Variants in SPATA13 observed in about 807,000 individuals in gnomAD.
The protein encoded by SPATA13 is spermatogenesis-associated protein 13.
Under a neutral mutation model 104.0 loss-of-function variants are expected in SPATA13, and 50 were observed. The ratio of observed to expected loss-of-function variants is 0.48; its 90% CI spans 0.38 to 0.61. SPATA13 has a LOEUF of 0.61. Ranked by LOEUF, SPATA13 falls within the 20% of genes least tolerant of loss-of-function variation. The pLI, the probability that SPATA13 is intolerant of heterozygous loss-of-function variation, is 0.00. For missense variants in SPATA13, 1,524 were observed against 1,690.6 expected (o/e 0.90, Z 1.73); for synonymous variants, 606 against 667.5 (o/e 0.91, Z 1.42).
chr13:23,982,761 C>T (rs1054064020), intron 1 of SPATA13, among the ~76,000 whole-genome samples: 4 of 152,168 alleles, frequency 2.6e-5, no homozygotes, highest in African/African-American at 4.8e-5. Flanking sequence ...AGAAGTTGAA[C>T]GAGTCAGACA....
At chr13:24,245,959 C>T (rs928985517) in intron 2 of SPATA13, among the ~76,000 whole-genome samples, 2 of 152,074 alleles carry the variant, frequency 1.3e-5, no homozygotes, top group Non-Finnish European at 2.9e-5. Flanking sequence ...GATCCCGAGT[C>T]CTGCCCGCTG....
intron 3 of SPATA13, among the ~76,000 whole-genome samples, chr13:24,094,747 G>A (rs1186394911): frequency 6.6e-6 from 1 of 152,022 alleles, no homozygotes; most frequent in Non-Finnish European, 1.5e-5. Context: ...CTCCAGCCTG[G>A]GCAATATAGC....
At chr13:24,002,554 G>A (rs9553137) in intron 2 of SPATA13, among the ~76,000 whole-genome samples, 23,888 of 152,108 alleles carry the variant, frequency 0.16, 2,544 homozygotes, top group East Asian at 0.51. Context: ...GCCTGGTCAG[G>A]GGGGTGAGTG....
At chr13:24,202,771 T>C (rs1183494263) in intron 1 of SPATA13, among the ~76,000 whole-genome samples, 1 of 152,068 alleles carries the variant, frequency 6.6e-6, no homozygotes, top group Admixed American at 6.5e-5. Flanking sequence ...GAAATTTTCA[T>C]TAAGCAAAGG....
At chr13:24,155,980 A>C (rs1882245704), upstream of SPATA13, among the ~76,000 whole-genome samples, 1 of 152,186 alleles carries the variant, frequency 6.6e-6, no homozygotes, top group Non-Finnish European at 1.5e-5. Context: ...TAATGTCCTC[A>C]GGGTCCACCT....
At chr13:24,095,882 T>G (rs1880062051) in intron 3 of SPATA13, among the ~76,000 whole-genome samples, 1 of 152,228 alleles carries the variant, frequency 6.6e-6, no homozygotes, top group South Asian at 2.1e-4. Context: ...CCAATAACAG[T>G]GCATCTCTCA....
intron 3 of SPATA13, among the ~76,000 whole-genome samples, chr13:24,032,754 G>C (rs992395508): frequency 8.5e-5 from 13 of 152,200 alleles, no homozygotes; most frequent in African/African-American, 3.1e-4. Flanking sequence ...TTAAATATGA[G>C]TAAACCTAAA....
upstream of SPATA13, among the ~76,000 whole-genome samples, chr13:24,159,719 A>G (rs553393725): frequency 4.8e-4 from 73 of 152,374 alleles, no homozygotes; most frequent in African/African-American, 1.7e-3. Flanking sequence ...ATTTTAAAAA[A>G]CATACATAAA....
At chr13:24,222,459 T>A (rs2138609454) in intron 1 of SPATA13, among the ~76,000 whole-genome samples, 1 of 146,164 alleles carries the variant, frequency 6.8e-6, no homozygotes, top group East Asian at 2.2e-4. Flanking sequence ...TTTCTTTTGG[T>A]ATTTCCTAAT....
intron 3 of SPATA13, among the ~76,000 whole-genome samples, chr13:24,076,898 G>C (rs1033581931): frequency 6.6e-6 from 1 of 151,956 alleles, no homozygotes; most frequent in Admixed American, 6.6e-5. Context: ...GGCCAGATGG[G>C]CTGACACAGT....
intron 3 of SPATA13, among the ~76,000 whole-genome samples, chr13:24,089,433 T>A (rs1171881887): frequency 6.6e-6 from 1 of 152,112 alleles, no homozygotes; most frequent in Admixed American, 6.5e-5. Context: ...ACAAGATTGG[T>A]CTATTATTGT....
chr13:24,009,934 G>A (rs1876394809), intron 2 of SPATA13, among the ~76,000 whole-genome samples: 1 of 152,182 alleles, frequency 6.6e-6, no homozygotes, highest in South Asian at 2.1e-4. Flanking sequence ...CCATTCAGAT[G>A]GTTGGGGGGC....
chr13:24,173,532 A>C (rs1032273738), intron 1 of SPATA13, among the ~76,000 whole-genome samples: 1 of 91,310 alleles, frequency 1.1e-5, no homozygotes, highest in Non-Finnish European at 2.3e-5. Flanking sequence ...TTTTGGCCTT[A>C]TTGCATTGGC....
At chr13:24,146,763 C>T (rs893876645) in intron 3 of SPATA13, among the ~76,000 whole-genome samples, 5 of 152,156 alleles carry the variant, frequency 3.3e-5, no homozygotes, top group African/African-American at 1.2e-4. Context: ...CCATCGTGGT[C>T]GGCTATGCTT....
intron 1 of SPATA13, among the ~76,000 whole-genome samples, chr13:24,188,224 C>T (rs1869282086): frequency 6.6e-6 from 1 of 151,926 alleles, no homozygotes; most frequent in African/African-American, 2.4e-5. Context: ...ACCTGTAGTC[C>T]CAGCTACTCG....
chr13:24,101,450 T>C (rs1880255200), intron 3 of SPATA13, among the ~76,000 whole-genome samples: 1 of 151,972 alleles, frequency 6.6e-6, no homozygotes, highest in Non-Finnish European at 1.5e-5. Context: ...CATTTAATAC[T>C]GCTGTGTATT....
intron 3 of SPATA13, among the ~76,000 whole-genome samples, chr13:24,065,307 A>G (rs894864613): frequency 6.6e-6 from 1 of 151,928 alleles, no homozygotes; most frequent in African/African-American, 2.4e-5. Context: ...GGGGGTTTTG[A>G]TGTGTGTGGT....
At chr13:24,203,630 C>T (rs919020294) in intron 1 of SPATA13, among the ~76,000 whole-genome samples, 5 of 152,114 alleles carry the variant, frequency 3.3e-5, no homozygotes, top group Non-Finnish European at 5.9e-5. Flanking sequence ...AGGCAAGAAT[C>T]AGGATAGGGT....
At chr13:24,184,713 A>G (rs2138530768) in intron 1 of SPATA13, among the ~76,000 whole-genome samples, 1 of 152,314 alleles carries the variant, frequency 6.6e-6, no homozygotes, top group East Asian at 1.9e-4. Context: ...TCAGTTGTGA[A>G]GGTCCAAGTG....
Sources: allele counts gnomAD v4.1 joint callset (sites outside exome capture counted in the v4.1 genomes callset), GRCh38; gene constraint gnomAD v4.1.1; transcripts MANE v1.5; gene names NCBI Gene and HGNC (gene_info 2026-07-23, HGNC 2026-07-21).